Variants in EPB41L4B observed in about 807,000 individuals in gnomAD.
EPB41L4B encodes the protein erythrocyte membrane protein band 4.1 like 4B, also known as band 4.1-like protein 4B.
A neutral mutation model predicts 112.5 loss-of-function variants in EPB41L4B; 30 were observed. That is an observed-to-expected ratio of 0.27 (90% CI 0.20 to 0.36). The LOEUF (loss-of-function observed/expected upper bound fraction) is 0.36, where lower values mean the gene tolerates loss of function less well. EPB41L4B is among the 10% of genes least tolerant of loss of function. EPB41L4B has a pLI of 1.00. For missense variants in EPB41L4B, 1,024 were observed against 1,133.3 expected (o/e 0.90, Z 1.38); for synonymous variants, 408 against 439.7 (o/e 0.93, Z 0.90).
intron 15 of EPB41L4B, chr9:109,241,843 G>C: frequency 6.2e-7 from 1 of 1,608,932 alleles, no homozygotes; most frequent in South Asian, 1.1e-5. Flanking sequence ...GTTAGTGGGA[G>C]AATGGAAGAA....
At chr9:109,275,489 T>G (rs1835780014) in intron 2 of EPB41L4B, among the ~76,000 whole-genome samples, 1 of 152,172 alleles carries the variant, frequency 6.6e-6, no homozygotes, top group Non-Finnish European at 1.5e-5. Flanking sequence ...GCCTCTTGAT[T>G]AAATTGGCTA....
rs1298988095 is a variant in EPB41L4B, at chr9:109,281,709, TAAA to T, written c.307-1791_307-1789del. Among the ~76,000 whole-genome samples the T allele has an allele frequency of 9.7e-3, 1,244 of 128,208 alleles. 19 individuals are homozygous for T. Among genetic ancestry groups the T allele is most frequent in the East Asian group, 0.043 (195 of 4,570 alleles). The allele number at this position is 128,208 out of a possible 152,430, so 84.1% of individuals were successfully genotyped here. On this transcript the variant is annotated intron_variant, in intron 1 of 25. Transcript: ENST00000374566. ...ATAAATAAATAAATAAATAAATAAA[TAAA>T]TAAATAAATAAATTAATTAATTAAT...
chr9:109,261,166 G>A (rs988724401), intron 6 of EPB41L4B, among the ~76,000 whole-genome samples: 4 of 152,172 alleles, frequency 2.6e-5, no homozygotes, highest in South Asian at 2.1e-4. Context: ...CATGCCTGTC[G>A]TTATAGCACT....
At chr9:109,234,510 G>A (rs1002664620) in intron 15 of EPB41L4B, among the ~76,000 whole-genome samples, 23 of 152,292 alleles carry the variant, frequency 1.5e-4, no homozygotes, top group Non-Finnish European at 3.2e-4. Flanking sequence ...AGGTGGAAAG[G>A]AAAAGTAACT....
At chr9:109,320,024 G>T in intron 1 of EPB41L4B, 117 bp downstream of exon 1, 1 of 807,692 alleles carries the variant, frequency 1.2e-6, no homozygotes, top group Non-Finnish European at 1.7e-6. Context: ...GAAGAGGATG[G>T]GGGAGGGGAT....
At chr9:109,311,433 C>G (rs958610100) in intron 1 of EPB41L4B, among the ~76,000 whole-genome samples, 2 of 152,138 alleles carry the variant, frequency 1.3e-5, no homozygotes, top group African/African-American at 4.8e-5. Context: ...TTGGCATCCT[C>G]ACAGCTGCAG....
chr9:109,273,147 C>T (rs1001612903), intron 2 of EPB41L4B, among the ~76,000 whole-genome samples: 2 of 152,174 alleles, frequency 1.3e-5, no homozygotes, highest in African/African-American at 4.8e-5. Context: ...ACCCCTTTAG[C>T]AGCTTCCGAT....
intron 23 of EPB41L4B, among the ~76,000 whole-genome samples, chr9:109,184,891 T>C (rs183476702): frequency 6.6e-6 from 1 of 152,332 alleles, no homozygotes; most frequent in Non-Finnish European, 1.5e-5. Flanking sequence ...CAAATAGTCA[T>C]ATAATGTGGT....
At chr9:109,266,501 CA>C (rs1485598184) in intron 4 of EPB41L4B, among the ~76,000 whole-genome samples, 2 of 152,148 alleles carry the variant, frequency 1.3e-5, no homozygotes, top group Non-Finnish European at 1.5e-5. Context: ...GTCCATCACA[CA>C]AACAACGACA....
intron 20 of EPB41L4B, among the ~76,000 whole-genome samples, chr9:109,195,416 G>T (rs1166074664): frequency 1.3e-5 from 2 of 152,170 alleles, no homozygotes; most frequent in African/African-American, 4.8e-5. Flanking sequence ...TTCTGTGTAT[G>T]GAGAAGCCTC....
At chr9:109,312,804 A>G (rs1837466504) in intron 1 of EPB41L4B, among the ~76,000 whole-genome samples, 1 of 151,876 alleles carries the variant, frequency 6.6e-6, no homozygotes, top group African/African-American at 2.4e-5. Context: ...TGAATCCCCT[A>G]CCCCAAGGAA....
At position 109,201,567 on chromosome 9, in the gene EPB41L4B, A is replaced by G. The variant is rs560248706; in HGVS notation, c.1947-1233T>C. 3.3e-5 allele frequency among the ~76,000 whole-genome samples: 5 copies of G among 152,296 alleles called. No homozygotes were observed. In the East Asian group the frequency reaches 9.7e-4, roughly 29 times the overall value. On this transcript the variant is annotated intron_variant, in intron 19 of 25. Coordinates refer to ENST00000374566, the MANE Select transcript of EPB41L4B (RefSeq NM_019114.5). ...TTCCTCAAGCTGCGACTCCACAGTA[A>G]AGGGAACATGGTCCCTGAAGAACGT...
At chr9:109,200,870 T>C (rs1318645571) in intron 19 of EPB41L4B, among the ~76,000 whole-genome samples, 1 of 152,178 alleles carries the variant, frequency 6.6e-6, no homozygotes, top group South Asian at 2.1e-4. Flanking sequence ...TTTAATTCCA[T>C]GTATGTGTGA....
intron 6 of EPB41L4B, among the ~76,000 whole-genome samples, chr9:109,261,169 A>G (rs28624354): frequency 0.011 from 1,643 of 152,330 alleles, 33 homozygotes; most frequent in African/African-American, 0.038. Context: ...GCCTGTCGTT[A>G]TAGCACTTGC....
chr9:109,190,945 C>T (rs537575747), intron 22 of EPB41L4B, among the ~76,000 whole-genome samples: 11 of 152,322 alleles, frequency 7.2e-5, no homozygotes, highest in Admixed American at 5.2e-4. Flanking sequence ...AGCCCCTCTG[C>T]AGCCCTCATC....
intron 15 of EPB41L4B, among the ~76,000 whole-genome samples, chr9:109,230,229 C>T (rs10816789): frequency 0.13 from 19,941 of 152,200 alleles, 1,720 homozygotes; most frequent in East Asian, 0.27. Context: ...GACCAAGGAG[C>T]TTTCCTCAAG....
intron 24 of EPB41L4B, among the ~76,000 whole-genome samples, chr9:109,178,811 A>G (rs897563510): frequency 1.3e-5 from 2 of 148,972 alleles, no homozygotes; most frequent in African/African-American, 2.5e-5. Context: ...GGTGATAGTA[A>G]GTAAATGGGG....
intron 19 of EPB41L4B, among the ~76,000 whole-genome samples, chr9:109,202,868 A>C (rs569958237): frequency 7.8e-4 from 119 of 152,302 alleles, no homozygotes; most frequent in African/African-American, 2.8e-3. Context: ...ATACAAAGAA[A>C]AAGTAGGCTA....
chr9:109,235,694 G>A (rs1247956900), intron 15 of EPB41L4B, among the ~76,000 whole-genome samples: 1 of 152,114 alleles, frequency 6.6e-6, no homozygotes, highest in African/African-American at 2.4e-5. Flanking sequence ...CACCACGCCC[G>A]GCCTTGAGCT....
Sources: gnomAD v4.1 joint callset for allele counts (sites outside exome capture counted in the v4.1 genomes callset) on GRCh38, gnomAD v4.1.1 for gene constraint, MANE v1.5 for transcripts, NCBI Gene and HGNC (gene_info 2026-07-23, HGNC 2026-07-21) for gene names.